Variants in PARD3B observed in about 807,000 individuals in gnomAD.
The protein encoded by PARD3B is par-3 family cell polarity regulator beta.
In PARD3B, 103 loss-of-function variants were observed where a neutral mutation model predicts 130.2. The ratio of observed to expected loss-of-function variants is 0.79; its 90% CI spans 0.67 to 0.93. The LOEUF (loss-of-function observed/expected upper bound fraction) is 0.93. Among genes scored for constraint, PARD3B ranks in the 40% least tolerant of loss-of-function variants. The pLI, the probability that PARD3B is intolerant of heterozygous loss-of-function variation, is 0.00. For synonymous variants in PARD3B, 583 were observed against 553.2 expected, an observed-to-expected ratio of 1.05 and a Z score of -0.76; for missense variants, 1,609 against 1,499.2, an observed-to-expected ratio of 1.07 and a Z score of -1.21.
At chr2:205,363,832 CTTTTTTTTT>C (rs59271830) in intron 18 of PARD3B, among the ~76,000 whole-genome samples, 3 of 97,202 alleles carry the variant, frequency 3.1e-5, no homozygotes, top group African/African-American at 1.9e-4. Context: ...GCCTGACTGA[CTTTTTTTTT>C]TTTTTTTTTT....
chr2:205,201,422 A>G (rs1394088236), intron 15 of PARD3B, among the ~76,000 whole-genome samples: 1 of 152,220 alleles, frequency 6.6e-6, no homozygotes, highest in Non-Finnish European at 1.5e-5. Flanking sequence ...GAAGACTGAA[A>G]AGAGAAGCAG....
At chr2:205,050,042 T>G (rs1291933775) in intron 4 of PARD3B, among the ~76,000 whole-genome samples, 3 of 152,102 alleles carry the variant, frequency 2.0e-5, no homozygotes, top group African/African-American at 7.2e-5. Context: ...TTGTGCCTTA[T>G]GTATCTTTAT....
At chr2:204,978,506 T>C (rs1692382632) in intron 3 of PARD3B, among the ~76,000 whole-genome samples, 2 of 152,226 alleles carry the variant, frequency 1.3e-5, no homozygotes, top group African/African-American at 4.8e-5. Context: ...TTTTGTGATA[T>C]TCATGTGCAC....
intron 2 of PARD3B, among the ~76,000 whole-genome samples, chr2:204,811,876 A>G (rs1219495936): frequency 1.3e-5 from 2 of 152,068 alleles, no homozygotes; most frequent in African/African-American, 4.8e-5. Flanking sequence ...TATTTTGATC[A>G]CGGTCCTTAT....
intron 21 of PARD3B, among the ~76,000 whole-genome samples, chr2:205,506,420 G>A (rs2050368853): frequency 6.6e-6 from 1 of 152,190 alleles, no homozygotes; most frequent in Non-Finnish European, 1.5e-5. Context: ...ACAATGAGAT[G>A]GTTGGGTGAA....
intron 2 of PARD3B, among the ~76,000 whole-genome samples, chr2:204,866,310 T>C (rs776886077): frequency 6.6e-6 from 1 of 152,140 alleles, no homozygotes; most frequent in Non-Finnish European, 1.5e-5. Context: ...TTATTCTCTG[T>C]GAGCTTTTGT....
chr2:205,614,489 A>AG (rs2055348880), intron 22 of PARD3B, among the ~76,000 whole-genome samples: 1 of 152,084 alleles, frequency 6.6e-6, no homozygotes, highest in Admixed American at 6.5e-5. Context: ...AGATCACCTA[A>AG]GGTCAGGAGA....
At chr2:204,787,092 C>CT (rs2042038271) in intron 2 of PARD3B, among the ~76,000 whole-genome samples, 1 of 151,860 alleles carries the variant, frequency 6.6e-6, no homozygotes, top group Non-Finnish European at 1.5e-5. Flanking sequence ...TTATTGCAGC[C>CT]TAGGAGTTAC....
At chr2:205,503,066 C>T (rs1173889592) in intron 21 of PARD3B, among the ~76,000 whole-genome samples, 1 of 151,316 alleles carries the variant, frequency 6.6e-6, no homozygotes, top group Admixed American at 6.6e-5. Context: ...TCCCCTCTCC[C>T]CTTTTTCCTC....
intron 1 of PARD3B, among the ~76,000 whole-genome samples, chr2:204,549,780 T>C (rs2030308143): frequency 6.6e-6 from 1 of 152,204 alleles, no homozygotes; most frequent in Non-Finnish European, 1.5e-5. Flanking sequence ...TATTTGTTAA[T>C]GGGATTATTA....
chr2:205,040,486 A>T (rs980802527), intron 3 of PARD3B, among the ~76,000 whole-genome samples: 1 of 152,170 alleles, frequency 6.6e-6, no homozygotes, highest in Non-Finnish European at 1.5e-5. Context: ...TTTCAAACTC[A>T]TTCAACAGTT....
Position 205,072,621 on chromosome 2 carries a change from A to G in PARD3B, c.504+24931A>G, listed in dbSNP as rs895398392. Among the ~76,000 whole-genome samples, 10 of 152,316 alleles carry G rather than the reference A, an allele frequency of 6.6e-5. 1 individual carries two copies. In the South Asian group the frequency reaches 1.7e-3, roughly 25 times the overall value. On this transcript the variant is annotated intron_variant, in intron 4 of 22. Coordinates refer to ENST00000406610, the MANE Select transcript of PARD3B (RefSeq NM_001302769.2). Reference sequence around the variant, plus strand: ...CAGTGGTTCACAACTATGGTACAGTATAATCTGGATATTTTAAGGTCTAAA... The same window carrying G: ...CAGTGGTTCACAACTATGGTACAGTGTAATCTGGATATTTTAAGGTCTAAA...
At chr2:204,736,950 G>A (rs1422727868) in intron 2 of PARD3B, among the ~76,000 whole-genome samples, 1 of 151,982 alleles carries the variant, frequency 6.6e-6, no homozygotes, top group African/African-American at 2.4e-5. Context: ...ATTGTTTTTT[G>A]ACTATTTATT....
chr2:205,379,758 G>C (rs2045238401), intron 18 of PARD3B, among the ~76,000 whole-genome samples: 1 of 151,750 alleles, frequency 6.6e-6, no homozygotes, highest in South Asian at 2.1e-4. Context: ...CTTATTACTT[G>C]AATACTTGTT....
intron 20 of PARD3B, among the ~76,000 whole-genome samples, chr2:205,459,605 T>C (rs1487407939): frequency 6.6e-6 from 1 of 152,222 alleles, no homozygotes; most frequent in Non-Finnish European, 1.5e-5. Context: ...TTTTTGCCTG[T>C]TGATCTTTCT....
chr2:204,920,043 A>T (rs1333012298), intron 2 of PARD3B, among the ~76,000 whole-genome samples: 1 of 151,944 alleles, frequency 6.6e-6, no homozygotes, highest in Non-Finnish European at 1.5e-5. Context: ...CAATAGAAAA[A>T]TTTTTCCTCT....
intron 16 of PARD3B, among the ~76,000 whole-genome samples, chr2:205,282,050 A>G (rs2041210765): frequency 6.6e-6 from 1 of 152,066 alleles, no homozygotes; most frequent in South Asian, 2.1e-4. Flanking sequence ...TTTTTATTTG[A>G]TCATGTGGAA....
chr2:205,014,192 A>G (rs1453739825), intron 3 of PARD3B, among the ~76,000 whole-genome samples: 1 of 152,222 alleles, frequency 6.6e-6, no homozygotes, highest in Non-Finnish European at 1.5e-5. Flanking sequence ...GCATGCTGTC[A>G]CTAGTATCAA....
At chr2:204,859,363 G>A (rs79438158) in intron 2 of PARD3B, among the ~76,000 whole-genome samples, 1 of 152,074 alleles carries the variant, frequency 6.6e-6, no homozygotes, top group Non-Finnish European at 1.5e-5. Flanking sequence ...GATGAGAATA[G>A]CCATATACCC....
Sources: gnomAD v4.1 joint callset for allele counts (sites outside exome capture counted in the v4.1 genomes callset) on GRCh38, gnomAD v4.1.1 for gene constraint, MANE v1.5 for transcripts, NCBI Gene and HGNC (gene_info 2026-07-23, HGNC 2026-07-21) for gene names.